Variants in SHISAL2B observed in about 807,000 individuals in gnomAD.
The protein encoded by SHISAL2B is shisa like 2B.
A neutral mutation model predicts 16.5 loss-of-function variants in SHISAL2B; 12 were observed. That is an observed-to-expected ratio of 0.73 (90% CI 0.47 to 1.18). The LOEUF is 1.18. SHISAL2B is among the 50% of genes most tolerant of loss of function. SHISAL2B has a pLI of 0.00. For missense variants in SHISAL2B, 183 were observed against 193.6 expected, an observed-to-expected ratio of 0.95 and a Z score of 0.33; for synonymous variants, 72 against 75.0, an observed-to-expected ratio of 0.96 and a Z score of 0.21.
chr5:64,695,645 G>A lies in SHISAL2B; in HGVS notation c.330G>A (p.Glu110=), dbSNP rs536795941. The change falls in exon 2 of 3, where the codon GAG becomes GAA. Residue 110 remains glutamate (E), a synonymous_variant. Transcript: ENST00000389074. The part of the protein sequence containing the change: ...LDTGLKLQHL[E]ASSTQEGKSN... ...CTGGCCTTAAGCTTCAACACTTAGA[G>A]GCTTCTTCCACTCAAGAAGGTAATC... The A allele has an allele frequency of 1.3e-6, 2 of 1,532,146 alleles. No individual in the cohort carries two copies. Among genetic ancestry groups the A allele is most frequent in the East Asian group, 4.9e-5 (2 of 40,824 alleles). The allele number at this position is 1,532,146 out of a possible 1,614,324, so 94.9% of individuals were successfully genotyped here. A position where few individuals can be genotyped will look rare whatever the true frequency, so the allele number is the denominator to read the frequency against.
At chr5:64,694,121 A>G (rs1207941478) in intron 1 of SHISAL2B, 1 of 455,512 alleles carries the variant, frequency 2.2e-6, no homozygotes, top group Admixed American at 2.4e-5. Flanking sequence ...CCAGAGAAAG[A>G]GCAGAAGCCT....
intron 1 of SHISAL2B, 136 bp from the exon 2 acceptor site, chr5:64,695,371 G>A: frequency 1.8e-6 from 1 of 551,502 alleles, no homozygotes; most frequent in Non-Finnish European, 3.0e-6. Context: ...ATTTCAATCA[G>A]TTCCTTTTTA....
chr5:64,690,671 G>C lies in SHISAL2B; in HGVS notation c.48G>C (p.Gln16His), dbSNP rs1045644522. ...RLCSGYYSLN[Q>H]SFVEPFQCPR... is the part of the protein sequence containing the mutation. ...GCTCCGGCTACTACAGCCTCAACCA[G>C]AGCTTCGTGGAGCCCTTCCAGTGCC... is the stretch of plus-strand genomic sequence containing the variant. Residue 16 changes from glutamine to histidine, a missense_variant, in exon 1 of 3, where the codon CAG becomes CAC. Transcript: ENST00000389074. 2 of 1,533,540 alleles carry C rather than the reference G, an allele frequency of 1.3e-6. No homozygotes were observed. Among genetic ancestry groups the C allele is most frequent in the African/African-American group, 2.7e-5 (2 of 72,940 alleles). The allele number at this position is 1,533,540 out of a possible 1,614,324, so 95.0% of individuals were successfully genotyped here. A position where few individuals can be genotyped will look rare whatever the true frequency, so the allele number is the denominator to read the frequency against.
intron 2 of SHISAL2B, among the ~76,000 whole-genome samples, chr5:64,704,973 G>A (rs984557013): frequency 3.3e-5 from 5 of 152,118 alleles, no homozygotes; most frequent in Non-Finnish European, 7.4e-5. Context: ...AAGAGAGAAC[G>A]CTAGAGGTGT....
intron 2 of SHISAL2B, among the ~76,000 whole-genome samples, chr5:64,706,879 A>G (rs1378471695): frequency 6.6e-6 from 1 of 152,204 alleles, no homozygotes; most frequent in East Asian, 1.9e-4. Flanking sequence ...CGTAGGAAAA[A>G]TAGGGGAAAA....
At chr5:64,714,234 CTGTT>C (rs977406821) in intron 2 of SHISAL2B, among the ~76,000 whole-genome samples, 2 of 139,826 alleles carry the variant, frequency 1.4e-5, no homozygotes, top group Non-Finnish European at 3.1e-5. Context: ...GATGTCCTTT[CTGTT>C]TGTTAGTTTT....
intron 2 of SHISAL2B, among the ~76,000 whole-genome samples, chr5:64,709,607 C>T (rs932043568): frequency 9.3e-5 from 14 of 151,046 alleles, no homozygotes; most frequent in African/African-American, 3.2e-4. Context: ...CCTGAGGAAT[C>T]GCCACAGTGA....
chr5:64,704,137 C>T (rs1285038887), intron 2 of SHISAL2B, among the ~76,000 whole-genome samples: 1 of 152,094 alleles, frequency 6.6e-6, no homozygotes, highest in Non-Finnish European at 1.5e-5. Context: ...AGAATGGTAA[C>T]ACAGAAGCTA....
intron 2 of SHISAL2B, among the ~76,000 whole-genome samples, chr5:64,704,969 G>C (rs537059272): frequency 2.0e-5 from 3 of 152,276 alleles, no homozygotes; most frequent in African/African-American, 7.2e-5. Flanking sequence ...CAGGAAGAGA[G>C]AACGCTAGAG....
At chr5:64,695,261 T>C (rs1480907839) in intron 1 of SHISAL2B, among the ~76,000 whole-genome samples, 4 of 90,514 alleles carry the variant, frequency 4.4e-5, no homozygotes, top group Admixed American at 4.2e-4. Context: ...TGAGACACCA[T>C]CTCAAAAAAA....
chr5:64,691,599 A>G (rs1242652369), intron 1 of SHISAL2B: 1 of 151,930 alleles, frequency 6.6e-6, no homozygotes, highest in Non-Finnish European at 1.5e-5. Context: ...ATGTGAAGAG[A>G]CTTTCTAAGG....
chr5:64,694,178 A>G (rs1241538048), intron 1 of SHISAL2B: 3 of 447,332 alleles, frequency 6.7e-6, no homozygotes, highest in Non-Finnish European at 1.3e-5. Flanking sequence ...TTACTTTTCA[A>G]TGACGTATGT....
At chr5:64,710,742 A>T (rs1428164950) in intron 2 of SHISAL2B, among the ~76,000 whole-genome samples, 2 of 130,938 alleles carry the variant, frequency 1.5e-5, no homozygotes, top group Non-Finnish European at 3.1e-5. Flanking sequence ...CTCCTCAAAG[A>T]GGTCCTTCAC....
rs554110765 is a variant in SHISAL2B, at chr5:64,696,114, T to G, written c.349+450T>G. 5.3e-5 allele frequency among the ~76,000 whole-genome samples: 8 copies of G among 152,334 alleles called. 1 individual carries two copies. The highest frequency in any genetic ancestry group is 1.9e-4 in the African/African-American group (8 of 41,574). On this transcript the variant is annotated intron_variant, in intron 2 of 2. Coordinates refer to ENST00000389074, the MANE Select transcript of SHISAL2B (RefSeq NM_001164442.2). ...TATGGACATAGATCAGTTCCCAAAATTAATACTTTTATAATTTCTTATGCC... is the reference window on the plus strand; with the variant it reads ...TATGGACATAGATCAGTTCCCAAAAGTAATACTTTTATAATTTCTTATGCC...
rs188084505 is a variant in SHISAL2B, at chr5:64,693,263, T to C, written c.192-2244T>C. Among the ~76,000 whole-genome samples, 24 of 152,212 alleles carry C rather than the reference T, an allele frequency of 1.6e-4. No homozygotes were observed. The East Asian group carries it at 4.4e-3, about 28-fold the overall frequency. On this transcript the variant is annotated intron_variant, in intron 1 of 2. Transcript: ENST00000389074. ...ACCTCGTGATTCGCCCGCCTCAGCC[T>C]CCCAAAGTGCTAGGATTACAGGCGT...
chr5:64,703,388 A>G (rs983173715), intron 2 of SHISAL2B, among the ~76,000 whole-genome samples: 1 of 152,330 alleles, frequency 6.6e-6, no homozygotes, highest in Non-Finnish European at 1.5e-5. Context: ...ATTTAAAATA[A>G]TGAGCCTAGA....
chr5:64,717,602 T>C (rs1042412251), intron 2 of SHISAL2B, among the ~76,000 whole-genome samples: 2 of 152,190 alleles, frequency 1.3e-5, no homozygotes, highest in East Asian at 1.9e-4. Context: ...CACTCAGAAA[T>C]TGTTACCTTC....
chr5:64,694,067 T>G, intron 1 of SHISAL2B: 2 of 455,694 alleles, frequency 4.4e-6, no homozygotes, highest in Non-Finnish European at 4.4e-6. Context: ...AAATTCTCCC[T>G]TCCCTCCCTT....
At chr5:64,713,301 CT>C (rs1203758974) in intron 2 of SHISAL2B, among the ~76,000 whole-genome samples, 6 of 135,586 alleles carry the variant, frequency 4.4e-5, no homozygotes, top group African/African-American at 1.8e-4. Context: ...ACTTATGAAG[CT>C]TAGTTTGGCT....
Sources: gnomAD v4.1 joint callset for allele counts (sites outside exome capture counted in the v4.1 genomes callset) on GRCh38, gnomAD v4.1.1 for gene constraint, MANE v1.5 for transcripts, NCBI Gene and HGNC (gene_info 2026-07-23, HGNC 2026-07-21) for gene names.